ERBB4: variants seen among roughly 807,000 people sequenced by gnomAD.
ERBB4 encodes the protein receptor tyrosine-protein kinase erbB-4.
Under a neutral mutation model 158.0 loss-of-function variants are expected in ERBB4, and 42 were observed. The ratio of observed to expected loss-of-function variants is 0.27; its 90% confidence interval spans 0.21 to 0.34. The LOEUF is 0.34. ERBB4 is among the 10% of genes least tolerant of loss of function. The pLI, the probability that ERBB4 is intolerant of heterozygous loss-of-function variation, is 1.00. For synonymous variants in ERBB4, 583 were observed against 558.7 expected, an observed-to-expected ratio of 1.04 and a Z score of -0.61; for missense variants, 1,333 against 1,624.1, an observed-to-expected ratio of 0.82 and a Z score of 3.08.
At chr2:212,038,242 T>C (rs1346168166) in intron 2 of ERBB4, among the ~76,000 whole-genome samples, 2 of 152,038 alleles carry the variant, frequency 1.3e-5, no homozygotes, top group Non-Finnish European at 2.9e-5. Context: ...ATATAATCTA[T>C]TATATATTAG....
At chr2:211,859,151 T>C (rs2077951044) in intron 3 of ERBB4, among the ~76,000 whole-genome samples, 1 of 152,234 alleles carries the variant, frequency 6.6e-6, no homozygotes, top group African/African-American at 2.4e-5. Context: ...GACATATTAC[T>C]AAAATTAATT....
chr2:211,702,390 G>A (rs1265190454), intron 11 of ERBB4, among the ~76,000 whole-genome samples: 1 of 152,152 alleles, frequency 6.6e-6, no homozygotes, highest in Non-Finnish European at 1.5e-5. Flanking sequence ...CATATTGGCA[G>A]TGTATCTCTA....
At chr2:211,906,902 T>G (rs1328810948) in intron 3 of ERBB4, among the ~76,000 whole-genome samples, 2 of 151,714 alleles carry the variant, frequency 1.3e-5, no homozygotes. Flanking sequence ...ATTTCTTAGC[T>G]TCTCTTGAAG....
chr2:211,973,390 A>T (rs1434331381), intron 2 of ERBB4, among the ~76,000 whole-genome samples: 1 of 152,016 alleles, frequency 6.6e-6, no homozygotes, highest in Non-Finnish European at 1.5e-5. Context: ...TTTAGTAGAG[A>T]CGGGGTTTCA....
chr2:212,361,687 T>G lies in ERBB4; in HGVS notation c.82+176762A>C, dbSNP rs138745365. On this transcript the variant is annotated intron_variant, in intron 1 of 27. Coordinates refer to ENST00000342788, the MANE Select transcript of ERBB4 (RefSeq NM_005235.3). ...GGGGCTTGTAGCTGAACTACTGTCA[T>G]TTTGAAATCCATTTTTGGTGAATGT... is the stretch of plus-strand genomic sequence containing the variant. Among the ~76,000 whole-genome samples the G allele has an allele frequency of 1.5e-3, 233 of 151,762 alleles. 1 individual carries two copies. Among genetic ancestry groups the G allele is most frequent in the Admixed American group, 3.2e-3 (48 of 15,168 alleles).
intron 20 of ERBB4, among the ~76,000 whole-genome samples, chr2:211,514,141 C>T (rs914411222): frequency 2.0e-4 from 31 of 152,138 alleles, no homozygotes; most frequent in Admixed American, 1.9e-3. Flanking sequence ...ACCCTCTACT[C>T]TTCCCTTTCT....
intron 2 of ERBB4, among the ~76,000 whole-genome samples, chr2:212,059,771 C>T (rs941423531): frequency 1.3e-5 from 2 of 152,158 alleles, no homozygotes; most frequent in Admixed American, 6.5e-5. Context: ...CCCTCCCTTA[C>T]ACCTTATACA....
chr2:211,432,816 A>C (rs1004391399), intron 20 of ERBB4, among the ~76,000 whole-genome samples: 1 of 152,192 alleles, frequency 6.6e-6, no homozygotes, highest in Admixed American at 6.5e-5. Context: ...AAGACAAAAA[A>C]GATTCAGATA....
At chr2:211,846,118 T>C (rs539605665) in intron 3 of ERBB4, among the ~76,000 whole-genome samples, 1 of 151,694 alleles carries the variant, frequency 6.6e-6, no homozygotes, top group East Asian at 1.9e-4. Flanking sequence ...AAATCATCCC[T>C]AGGGCATTTC....
intron 2 of ERBB4, among the ~76,000 whole-genome samples, chr2:212,108,470 T>G (rs1323497787): frequency 6.6e-6 from 1 of 152,152 alleles, no homozygotes; most frequent in Admixed American, 6.5e-5. Flanking sequence ...GAATGCAGTT[T>G]TAAAGAAAGA....
intron 2 of ERBB4, among the ~76,000 whole-genome samples, chr2:212,018,923 C>A (rs1412635672): frequency 6.6e-6 from 1 of 152,040 alleles, no homozygotes; most frequent in Non-Finnish European, 1.5e-5. Flanking sequence ...AGAAATAGTT[C>A]AAGACCCAAT....
At chr2:212,425,643 A>G (rs2091897077) in intron 1 of ERBB4, among the ~76,000 whole-genome samples, 1 of 151,800 alleles carries the variant, frequency 6.6e-6, no homozygotes. Flanking sequence ...GATCTTAGGA[A>G]AATTACAGGT....
intron 2 of ERBB4, among the ~76,000 whole-genome samples, chr2:212,101,690 C>T (rs2079088378): frequency 6.6e-6 from 1 of 151,888 alleles, no homozygotes; most frequent in Non-Finnish European, 1.5e-5. Context: ...CTTATAAAAG[C>T]ACCCTAAACA....
intron 16 of ERBB4, among the ~76,000 whole-genome samples, chr2:211,636,302 T>C (rs1243242812): frequency 6.6e-6 from 1 of 152,054 alleles, no homozygotes; most frequent in African/African-American, 2.4e-5. Context: ...GGCAGAAAGA[T>C]GCTTTGGAGC....
At chr2:211,717,597 A>G (rs2073960192) in intron 7 of ERBB4, among the ~76,000 whole-genome samples, 1 of 152,040 alleles carries the variant, frequency 6.6e-6, no homozygotes. Flanking sequence ...TGGGAGGCCG[A>G]GGGAGGTGGA....
chr2:211,665,236 G>T (rs1175928417), intron 15 of ERBB4, 87 bp downstream of exon 15: 1 of 1,262,576 alleles, frequency 7.9e-7, no homozygotes, highest in Non-Finnish European at 1.2e-6. Flanking sequence ...CTATGAGAAT[G>T]GTATACATTT....
intron 3 of ERBB4, among the ~76,000 whole-genome samples, chr2:211,805,121 G>A (rs2076586746): frequency 6.6e-6 from 1 of 152,076 alleles, no homozygotes; most frequent in African/African-American, 2.4e-5. Flanking sequence ...GTTTCACCAT[G>A]TTGGCCAGGC....
At chr2:211,486,191 A>G (rs2065200808) in intron 20 of ERBB4, among the ~76,000 whole-genome samples, 1 of 152,188 alleles carries the variant, frequency 6.6e-6, no homozygotes, top group South Asian at 2.1e-4. Flanking sequence ...GTGGATTCAA[A>G]GGTAAAGAGT....
intron 14 of ERBB4, among the ~76,000 whole-genome samples, chr2:211,666,175 A>C (rs1345616575): frequency 6.6e-6 from 1 of 152,144 alleles, no homozygotes; most frequent in African/African-American, 2.4e-5. Context: ...GAAAACACTA[A>C]AAGTCATATT....
Sources: gnomAD v4.1 joint callset for allele counts (sites outside exome capture counted in the v4.1 genomes callset) on GRCh38, gnomAD v4.1.1 for gene constraint, MANE v1.5 for transcripts, NCBI Gene and HGNC (gene_info 2026-07-23, HGNC 2026-07-21) for gene names.